PPARGC1A: variants seen among roughly 807,000 people sequenced by gnomAD.
PPARGC1A encodes peroxisome proliferator-activated receptor gamma coactivator 1-alpha.
Under a neutral mutation model 88.7 loss-of-function variants are expected in PPARGC1A, and 25 were observed. The observed-to-expected ratio is 0.28, with a 90% CI of 0.21 to 0.39. PPARGC1A has a LOEUF of 0.39. Ranked by LOEUF, PPARGC1A falls within the 10% of genes least tolerant of loss-of-function variation. PPARGC1A has a pLI of 1.00. For missense variants in PPARGC1A, 880 were observed against 968.7 expected, an observed-to-expected ratio of 0.91 and a Z score of 1.22; for synonymous variants, 363 against 355.6, an observed-to-expected ratio of 1.02 and a Z score of -0.24.
At chr4:23,847,023 T>C (rs1170800886) in intron 2 of PPARGC1A, among the ~76,000 whole-genome samples, 1 of 151,962 alleles carries the variant, frequency 6.6e-6, no homozygotes, top group Non-Finnish European at 1.5e-5. Flanking sequence ...TTTAATCACA[T>C]ATGCATTTAA....
chr4:24,263,729 G>A, the PPARGC1A span, among the ~76,000 whole-genome samples: 1 of 152,026 alleles, frequency 6.6e-6, no homozygotes, highest in Non-Finnish European at 1.5e-5. Flanking sequence ...TTAATGAATA[G>A]TAAAGATATT....
chr4:23,851,828 G>A (rs1286586489), intron 2 of PPARGC1A, among the ~76,000 whole-genome samples: 2 of 152,138 alleles, frequency 1.3e-5, no homozygotes, highest in African/African-American at 2.4e-5. Flanking sequence ...GTGTCTTACA[G>A]AAGCTATTTT....
chr4:24,387,957 A>AAAGAAAGG, the PPARGC1A span, among the ~76,000 whole-genome samples: 1 of 146,806 alleles, frequency 6.8e-6, no homozygotes, highest in Admixed American at 6.7e-5. Context: ...AGAAAGAAAG[A>AAAGAAAGG]AAGGGAGAGG....
Position 23,829,603 on chromosome 4 carries a change from G to C in PPARGC1A, c.430-18C>G, listed in dbSNP as rs763981344. 2 of 1,604,500 alleles carry C rather than the reference G, an allele frequency of 1.2e-6. No individual in the cohort carries two copies. The highest frequency in any genetic ancestry group is 1.7e-6 in the Non-Finnish European group (2 of 1,174,208). On this transcript the variant is annotated intron_variant, in intron 3 of 12. Transcript: ENST00000264867. ...TTCTTAAGCTAGAAACATTATCAGG[G>C]AAAGGGAAAAGCAAGTAAAGTTATG...
intron 2 of PPARGC1A, among the ~76,000 whole-genome samples, chr4:23,880,314 CTTCTT>C (rs899172249): frequency 6.6e-6 from 1 of 152,136 alleles, no homozygotes; most frequent in African/African-American, 2.4e-5. Flanking sequence ...GGACACAGGC[CTTCTT>C]TTGTGCTTTG....
chr4:24,143,043 CATT>C, the PPARGC1A span, among the ~76,000 whole-genome samples: 1 of 152,090 alleles, frequency 6.6e-6, no homozygotes, highest in African/African-American at 2.4e-5. Flanking sequence ...CAAGTAAGGA[CATT>C]ATCAGCATGC....
the PPARGC1A span, among the ~76,000 whole-genome samples, chr4:24,203,378 A>C: frequency 4.6e-5 from 7 of 152,202 alleles, no homozygotes; most frequent in African/African-American, 7.2e-5. Flanking sequence ...GTCTCTACTA[A>C]AAATATAAAA....
At chr4:24,327,808 A>G in the PPARGC1A span, among the ~76,000 whole-genome samples, 17 of 152,246 alleles carry the variant, frequency 1.1e-4, no homozygotes, top group Admixed American at 1.0e-3. Flanking sequence ...TCTTATTAAT[A>G]TAAGAAGGCA....
chr4:23,871,886 A>T (rs918893104), intron 2 of PPARGC1A, among the ~76,000 whole-genome samples: 3 of 152,202 alleles, frequency 2.0e-5, no homozygotes, highest in Non-Finnish European at 4.4e-5. Flanking sequence ...TATTATAGGA[A>T]TCTGAAAGAG....
At chr4:24,164,563 T>C in the PPARGC1A span, among the ~76,000 whole-genome samples, 74 of 152,092 alleles carry the variant, frequency 4.9e-4, 1 homozygote, top group African/African-American at 1.5e-3. Context: ...CATGTATATA[T>C]ACACACACAC....
At chr4:23,991,504 C>T in the PPARGC1A span, among the ~76,000 whole-genome samples, 1 of 151,974 alleles carries the variant, frequency 6.6e-6, no homozygotes, top group African/African-American at 2.4e-5. Context: ...GGAGCTTTCC[C>T]TCTTGAAAGA....
chr4:23,953,938 A>G, the PPARGC1A span, among the ~76,000 whole-genome samples: 1 of 152,020 alleles, frequency 6.6e-6, no homozygotes, highest in African/African-American at 2.4e-5. Flanking sequence ...TTTTCATAAG[A>G]CCGTACTGTC....
the PPARGC1A span, among the ~76,000 whole-genome samples, chr4:24,217,491 G>A: frequency 9.2e-5 from 14 of 152,218 alleles, 1 homozygote; most frequent in Admixed American, 7.2e-4. Context: ...ATGGGGACAA[G>A]AGAAGGGGCC....
At chr4:24,154,143 A>C in the PPARGC1A span, among the ~76,000 whole-genome samples, 1 of 152,174 alleles carries the variant, frequency 6.6e-6, no homozygotes, top group Non-Finnish European at 1.5e-5. Context: ...TCCCATCTCC[A>C]AGTAGTTGTC....
chr4:23,832,888 G>T (rs1236937759), intron 2 of PPARGC1A, among the ~76,000 whole-genome samples: 2 of 140,900 alleles, frequency 1.4e-5, no homozygotes, highest in Admixed American at 1.4e-4. Flanking sequence ...GGGATTACCG[G>T]CGTGAGCTAC....
chr4:24,123,005 T>C, the PPARGC1A span, among the ~76,000 whole-genome samples: 1 of 151,908 alleles, frequency 6.6e-6, no homozygotes, highest in African/African-American at 2.4e-5. Flanking sequence ...AGGCTAAAGT[T>C]CTGTTGAGTG....
intron 1 of PPARGC1A, among the ~76,000 whole-genome samples, chr4:23,887,616 C>T (rs939225358): frequency 6.6e-6 from 1 of 152,028 alleles, no homozygotes; most frequent in African/African-American, 2.4e-5. Context: ...GTTATTTCAC[C>T]CCAACAGACT....
chr4:23,961,374 C>G, the PPARGC1A span, among the ~76,000 whole-genome samples: 1 of 152,160 alleles, frequency 6.6e-6, no homozygotes, highest in African/African-American at 2.4e-5. Context: ...TTTATCCTTA[C>G]ACTTCTACAG....
intron 12 of PPARGC1A, among the ~76,000 whole-genome samples, chr4:23,800,707 G>A (rs1718506820): frequency 6.6e-6 from 1 of 151,472 alleles, no homozygotes; most frequent in South Asian, 2.1e-4. Flanking sequence ...ATTCCTGGAT[G>A]ACAGGCTGAT....
Sources: gnomAD v4.1 joint callset for allele counts (sites outside exome capture counted in the v4.1 genomes callset) on GRCh38, gnomAD v4.1.1 for gene constraint, MANE v1.5 for transcripts, NCBI Gene and HGNC (gene_info 2026-07-23, HGNC 2026-07-21) for gene names.